Variants in AMPD3 observed in about 807,000 individuals in gnomAD.
The protein encoded by AMPD3 is adenosine monophosphate deaminase 3, also known as AMP deaminase 3.
In AMPD3, 57 loss-of-function variants were observed where a neutral mutation model predicts 82.3. The ratio of observed to expected loss-of-function variants is 0.69; its 90% confidence interval spans 0.56 to 0.86. AMPD3 has a LOEUF of 0.86. Among genes scored for constraint, AMPD3 ranks in the 40% least tolerant of loss-of-function variants. The pLI is 0.00. For missense variants in AMPD3, 870 were observed against 1,003.8 expected, an observed-to-expected ratio of 0.87 and a Z score of 1.80; for synonymous variants, 381 against 394.7, an observed-to-expected ratio of 0.97 and a Z score of 0.41.
Position 10,506,903 on chromosome 11 carries a change from G to A in AMPD3, c.*1019G>A, listed in dbSNP as rs1177279985. On this transcript the variant is annotated 3_prime_UTR_variant, in exon 15 of 15. Transcript: ENST00000396553. This position sits in a 1 kb window ranked among gnomAD's most constrained non-coding sequence, Gnocchi z 4.1. ...GACCCCACAAATGTTAGTTGTGTGT[G>A]TGTGTGTGTGTGTTTTTAATCACTG... 2 of 152,194 alleles carry A rather than the reference G, an allele frequency of 1.3e-5. No homozygotes were observed. The highest frequency in any genetic ancestry group is 3.8e-4 in the East Asian group (2 of 5,198). The allele number at this position is 152,194 out of a possible 1,614,324, so 9.4% of individuals were successfully genotyped here.
intron 2 of AMPD3, among the ~76,000 whole-genome samples, chr11:10,465,750 C>T (rs1848400174): frequency 6.6e-6 from 1 of 152,174 alleles, no homozygotes; most frequent in Admixed American, 6.5e-5. Context: ...GTGCCTACAC[C>T]ACCAGGGCCC....
intron 11 of AMPD3, chr11:10,501,251 C>A (rs1177140589): frequency 1.0e-6 from 1 of 985,320 alleles, no homozygotes; most frequent in Non-Finnish European, 1.2e-6. Flanking sequence ...TACTGCGAGG[C>A]CCACTCTCTG....
chr11:10,504,847 C>T (rs1849674126), intron 14 of AMPD3, among the ~76,000 whole-genome samples, 188 bp downstream of exon 14: 1 of 152,224 alleles, frequency 6.6e-6, no homozygotes, highest in Non-Finnish European at 1.5e-5. Flanking sequence ...CTTCTCAGAC[C>T]TCTACGCCTC....
At chr11:10,494,521 T>C (rs1002895131) in intron 7 of AMPD3, 1 of 984,194 alleles carries the variant, frequency 1.0e-6, no homozygotes, top group Non-Finnish European at 1.2e-6. Context: ...AAAAAAACTT[T>C]TGTTAAACAA....
At chr11:10,490,441 G>A (rs563183067) in intron 6 of AMPD3, 4 of 973,190 alleles carry the variant, frequency 4.1e-6, no homozygotes, top group Middle Eastern at 5.3e-4. Context: ...ATTGATGCCT[G>A]CCATGGGTAT....
chr11:10,471,972 A>C (rs576018929), intron 2 of AMPD3, among the ~76,000 whole-genome samples: 2 of 152,284 alleles, frequency 1.3e-5, no homozygotes, highest in Non-Finnish European at 2.9e-5. Flanking sequence ...ATTATAAATC[A>C]TTCTATAAAG....
At chr11:10,471,255 G>A (rs761553577) in intron 2 of AMPD3, among the ~76,000 whole-genome samples, 42 of 151,912 alleles carry the variant, frequency 2.8e-4, no homozygotes, top group Non-Finnish European at 4.4e-4. Context: ...AAACTGGCTA[G>A]CCATATGCAA....
At chr11:10,481,598 T>A in intron 3 of AMPD3, 2 of 693,790 alleles carry the variant, frequency 2.9e-6, no homozygotes, top group Non-Finnish European at 1.8e-6. Flanking sequence ...ACTTACAGCT[T>A]TGATTTATTA....
chr11:10,494,601 T>C lies in AMPD3; in HGVS notation c.1135-298T>C, dbSNP rs1302293637. The C allele has an allele frequency of 3.0e-6, 3 of 985,264 alleles. No individual in the cohort carries two copies. In the African/African-American group the frequency reaches 5.2e-5, roughly 17 times the overall value. 61.0% of individuals were successfully genotyped at this position (985,264 alleles called of 1,614,324 possible). The stretch of plus-strand genomic sequence containing the variant: ...AGTAGTGATAGGGAATGTTCTATTA[T>C]TCAGTGGTGCAGCCTCTCTGCTCAC... On this transcript the variant is annotated intron_variant, in intron 7 of 14. Coordinates refer to ENST00000396553, the MANE Select transcript of AMPD3 (RefSeq NM_001025389.2).
chr11:10,480,709 G>C (rs1456393945), intron 3 of AMPD3, among the ~76,000 whole-genome samples: 1 of 152,072 alleles, frequency 6.6e-6, no homozygotes, highest in Non-Finnish European at 1.5e-5. Context: ...ATTATTGTCA[G>C]CTCTAGAAGG....
intron 6 of AMPD3, among the ~76,000 whole-genome samples, chr11:10,489,794 C>T (rs1244868843): frequency 6.6e-6 from 1 of 152,098 alleles, no homozygotes; most frequent in African/African-American, 2.4e-5. Flanking sequence ...GATTCTCCTG[C>T]CTCAGCCTCC....
rs758038726 is a variant in AMPD3 at position 10,493,400 on chromosome 11, C to T, written c.991C>T (p.Arg331Cys). The change falls in exon 7 of 15, where the codon CGC (arginine) becomes TGC (cysteine). Residue 331 changes from arginine to cysteine, a missense_variant. Transcript: ENST00000396553. Reference sequence around the variant, plus strand: ...CTGCATGAACCAAAAGCATCTGCTGCGCTTCATCAAGCACACATACCAGAC... The same window carrying T: ...CTGCATGAACCAAAAGCATCTGCTGTGCTTCATCAAGCACACATACCAGAC... ...AACMNQKHLL[R>C]FIKHTYQTEP... is the part of the protein sequence containing the mutation. 7.3e-5 allele frequency: 118 copies of T among 1,614,218 alleles called. No individual in the cohort carries two copies. In the East Asian group the frequency reaches 1.9e-3, roughly 26 times the overall value.
chr11:10,477,642 C>G (rs1038429641), intron 2 of AMPD3, among the ~76,000 whole-genome samples: 1 of 152,160 alleles, frequency 6.6e-6, no homozygotes, highest in Non-Finnish European at 1.5e-5. Context: ...CCAGAGGGAC[C>G]TGAATTTGGT....
In AMPD3 at chr11:10,466,771, C is replaced by T. The variant is rs546278366; in HGVS notation, c.221+5031C>T. Among the ~76,000 whole-genome samples, 8 of 152,200 alleles carry T rather than the reference C, an allele frequency of 5.3e-5. 1 individual carries two copies. In the South Asian group the frequency reaches 8.3e-4, roughly 16 times the overall value. ...GGAGACACCTCCCAGTAGGGGCCGA[C>T]AGGCATCTCATACAGGAGAGCTCTG... On this transcript the variant is annotated intron_variant, in intron 2 of 14. Coordinates refer to ENST00000396553, the MANE Select transcript of AMPD3 (RefSeq NM_001025389.2).
intron 1 of AMPD3, among the ~76,000 whole-genome samples, chr11:10,455,776 A>G (rs1437926753): frequency 2.0e-5 from 3 of 152,040 alleles, no homozygotes; most frequent in African/African-American, 7.2e-5. Context: ...AGCAACTGGG[A>G]TTGAAGCTCC....
rs1564858720 is a variant in AMPD3 at position 10,502,746 on chromosome 11, A to T, written c.1868A>T (p.Tyr623Phe). The T allele has an allele frequency of 6.2e-7, 1 of 1,614,028 alleles. No individual in the cohort carries two copies. ...KKSPVLQYLYYLAQIPIAMSP... is the reference protein window; with the variant it reads ...KKSPVLQYLYFLAQIPIAMSP... ...AGTCCGGTATTGCAGTATCTCTACTACCTTGCTCAGATCCCCATTGCCATG... is the reference window on the plus strand; with the variant it reads ...AGTCCGGTATTGCAGTATCTCTACTTCCTTGCTCAGATCCCCATTGCCATG... Residue 623 changes from tyrosine (Y) to phenylalanine (F), a missense_variant, in exon 13 of 15, where the codon TAC (tyrosine) becomes TTC (phenylalanine). Physicochemically the swap from Tyr to Phe is conservative, Grantham distance 22 (BLOSUM62 3). Transcript: ENST00000396553.
rs529947316 is a variant in AMPD3 at position 10,461,564 on chromosome 11, G to T, written c.45G>T (p.Glu15Asp). The T allele has an allele frequency of 6.2e-7, 1 of 1,614,242 alleles. No individual in the cohort carries two copies. Among genetic ancestry groups the T allele is most frequent in the Non-Finnish European group, 8.5e-7 (1 of 1,180,050 alleles). ...AGCTGAACATCTCTGAAGTGGATGA[G>T]CAAGTCCGGCTCCTGGCGGAGAAGG... ...FPKLNISEVD[E>D]QVRLLAEKVF... The change falls in exon 2 of 15, where the codon GAG becomes GAT. Residue 15 changes from glutamate (E) to aspartate (D), a missense_variant. Physicochemically the swap from Glu to Asp is conservative, Grantham distance 45. Transcript: ENST00000396553.
chr11:10,487,925 A>G (rs1196504650), intron 6 of AMPD3, among the ~76,000 whole-genome samples: 1 of 152,152 alleles, frequency 6.6e-6, no homozygotes, highest in Non-Finnish European at 1.5e-5. Context: ...ACGTTTACCT[A>G]TGTAACAAAC....
intron 2 of AMPD3, among the ~76,000 whole-genome samples, chr11:10,469,325 T>A (rs1186051864): frequency 1.3e-5 from 2 of 151,844 alleles, no homozygotes; most frequent in Non-Finnish European, 2.9e-5. Flanking sequence ...TCACCACTGA[T>A]CCCACAGAAA....
Sources: gnomAD v4.1 joint callset for allele counts (sites outside exome capture counted in the v4.1 genomes callset) on GRCh38, gnomAD v4.1.1 for gene constraint, Gnocchi (gnomAD v3.1) non-coding constraint, MANE v1.5 for transcripts, NCBI Gene and HGNC (gene_info 2026-07-23, HGNC 2026-07-21) for gene names.